Variants in CFLAR observed in about 807,000 individuals in gnomAD.
CFLAR encodes the protein CASP8 and FADD-like apoptosis regulator.
Under a neutral mutation model 51.1 loss-of-function variants are expected in CFLAR, and 14 were observed. The observed-to-expected ratio is 0.27, with a 90% CI of 0.18 to 0.43. The LOEUF (loss-of-function observed/expected upper bound fraction) is 0.43. Among genes scored for constraint, CFLAR ranks in the 20% least tolerant of loss-of-function variants. The probability of loss-of-function intolerance (pLI) is 1.00; values close to 1 mark genes in which losing one functional copy is unlikely to be tolerated. For missense variants in CFLAR, 390 were observed against 566.5 expected (o/e 0.69, Z 3.16); for synonymous variants, 210 against 211.6 (o/e 0.99, Z 0.06).
intron 8 of CFLAR, among the ~76,000 whole-genome samples, chr2:201,150,916 T>C (rs1941180459): frequency 6.6e-6 from 1 of 152,188 alleles, no homozygotes; most frequent in Admixed American, 6.5e-5. Flanking sequence ...TTGGTGAGCC[T>C]TAGTCTTGCC....
intron 4 of CFLAR, chr2:201,139,385 G>A (rs1937848263): frequency 5.1e-6 from 1 of 196,794 alleles, no homozygotes; most frequent in Non-Finnish European, 1.0e-5. Flanking sequence ...CTCATGGGAA[G>A]GGAAAGACCT....
At position 201,160,487 on chromosome 2, in the gene CFLAR, T is replaced by G; in HGVS notation, c.849T>G (p.His283Gln). The change falls in exon 9 of 10, where the codon CAT becomes CAG. Residue 283 changes from histidine (H) to glutamine (Q), a missense_variant. Physicochemically the swap from His to Gln is conservative, Grantham distance 24. Coordinates refer to ENST00000309955, the MANE Select transcript of CFLAR (RefSeq NM_003879.7). ...GCTATGAAGTCCAGAAATTCTTGCA[T>G]CTCAGTATGCATGGTATATCCCAGA... Reference protein sequence around the residue: ...SLGYEVQKFLHLSMHGISQIL... With the variant: ...SLGYEVQKFLQLSMHGISQIL... 1 of 1,613,952 alleles carries G rather than the reference T, an allele frequency of 6.2e-7. No individual in the cohort carries two copies. The highest frequency in any genetic ancestry group is 8.5e-7 in the Non-Finnish European group (1 of 1,180,004).
At chr2:201,148,812 C>G in intron 6 of CFLAR, 191 bp from the exon 7 acceptor site, 1 of 527,456 alleles carries the variant, frequency 1.9e-6, no homozygotes, top group Non-Finnish European at 3.5e-6. Context: ...AGCACTGGGA[C>G]TTGTGTTTTC....
chr2:201,155,040 A>G (rs975521168), intron 8 of CFLAR, among the ~76,000 whole-genome samples: 2 of 152,340 alleles, frequency 1.3e-5, no homozygotes, highest in East Asian at 3.9e-4. Context: ...AGAATTGAAA[A>G]ATAAGTCTTT....
intron 4 of CFLAR, chr2:201,136,714 G>T: frequency 3.2e-6 from 2 of 621,764 alleles, no homozygotes; most frequent in Admixed American, 3.1e-5. Flanking sequence ...GAGACTCATT[G>T]ATCTATAGAG....
rs1944144025 is a variant in CFLAR, at chr2:201,174,771, G to A, written c.*10798G>A. ...TTCACTTGCAAATTTATGTAAAAAG[G>A]GCCTCTGGAATTTTGATAGTGATTA... is the stretch of plus-strand genomic sequence containing the variant. On this transcript the variant is annotated 3_prime_UTR_variant, in exon 10 of 10. Transcript: ENST00000309955. The A allele has an allele frequency of 6.6e-6, 1 of 152,080 alleles. No homozygotes were observed. The highest frequency in any genetic ancestry group is 6.6e-5 in the Admixed American group (1 of 15,262). The allele number at this position is 152,080 out of a possible 1,614,324, so 9.4% of individuals were successfully genotyped here. A position where few individuals can be genotyped will look rare whatever the true frequency, so the allele number is the denominator to read the frequency against.
In CFLAR at chr2:201,171,156, G is replaced by GT. The variant is rs996390456; in HGVS notation, c.*7184dup. On this transcript the variant is annotated 3_prime_UTR_variant, in exon 10 of 10. Coordinates refer to ENST00000309955, the MANE Select transcript of CFLAR (RefSeq NM_003879.7). ...GGACTTTGGGGACTTAGGGGAAAGGGTGGGAGGGGGGTGAAGGATAAAAGA... is the reference window on the plus strand; with the variant it reads ...GGACTTTGGGGACTTAGGGGAAAGGGTTGGGAGGGGGGTGAAGGATAAAAGA... 6.6e-6 allele frequency: 1 copy of GT among 152,170 alleles called. No individual in the cohort carries two copies. Among genetic ancestry groups the GT allele is most frequent in the Admixed American group, 6.6e-5 (1 of 15,262 alleles). The allele number at this position is 152,170 out of a possible 1,614,324, so 9.4% of individuals were successfully genotyped here. A position where few individuals can be genotyped will look rare whatever the true frequency, so the allele number is the denominator to read the frequency against.
At position 201,160,751 on chromosome 2, in the gene CFLAR, C is replaced by T; in HGVS notation, c.1113C>T (p.Ser371=). Residue 371 remains serine, a synonymous_variant, in exon 9 of 10, where the codon AGC becomes AGT. Coordinates refer to ENST00000309955, the MANE Select transcript of CFLAR (RefSeq NM_003879.7). ...VVSEGQLEDS[S]LLEVDGPAMK... is the part of the protein sequence containing the mutation. ...CAGAGGGCCAGCTGGAGGACAGCAG[C>T]CTCTTGGAGGTGGATGGGCCAGCGA... is the stretch of plus-strand genomic sequence containing the variant. The T allele has an allele frequency of 5.0e-6, 8 of 1,614,076 alleles. No individual in the cohort carries two copies. The highest frequency in any genetic ancestry group is 6.8e-6 in the Non-Finnish European group (8 of 1,179,972).
At chr2:201,159,000 C>G (rs1018101960) in intron 8 of CFLAR, among the ~76,000 whole-genome samples, 1 of 151,638 alleles carries the variant, frequency 6.6e-6, no homozygotes, top group African/African-American at 2.4e-5. Flanking sequence ...GTCTCAGCCT[C>G]CCTAGTAGCT....
chr2:201,120,742 G>C (rs1362344548), intron 1 of CFLAR, among the ~76,000 whole-genome samples: 1 of 152,100 alleles, frequency 6.6e-6, no homozygotes, highest in Non-Finnish European at 1.5e-5. Flanking sequence ...AAATTCTTGA[G>C]TTTTTTCCTT....
At chr2:201,160,288 C>T in intron 8 of CFLAR, 144 bp from the exon 9 acceptor site, 1 of 862,426 alleles carries the variant, frequency 1.2e-6, no homozygotes, top group African/African-American at 1.7e-5. Context: ...TCCAACTGCC[C>T]AGGACTCAGG....
Position 201,165,893 on chromosome 2 carries a change from TGG to T in CFLAR, c.*1924_*1925del. On this transcript the variant is annotated 3_prime_UTR_variant, in exon 10 of 10. Transcript: ENST00000309955. ...GCACATGTTTCAGAGAGCACAGGGT[TGG>T]GGGTAAGGTCATAGATCAACAGCAT... is the stretch of plus-strand genomic sequence containing the variant. 1 of 204,942 alleles carries T rather than the reference TGG, an allele frequency of 4.9e-6. No individual in the cohort carries two copies. Among genetic ancestry groups the T allele is most frequent in the South Asian group, 7.1e-5 (1 of 14,022 alleles). The allele number at this position is 204,942 out of a possible 1,614,324, so 12.7% of individuals were successfully genotyped here. A position where few individuals can be genotyped will look rare whatever the true frequency, so the allele number is the denominator to read the frequency against.
At chr2:201,137,947 G>A (rs1223835488) in intron 4 of CFLAR, 3 of 758,398 alleles carry the variant, frequency 4.0e-6, no homozygotes, top group Admixed American at 1.7e-5. Context: ...TTGACCACAT[G>A]CCCCATGGTC....
At chr2:201,123,145 TTA>T (rs2125610626) in intron 1 of CFLAR, among the ~76,000 whole-genome samples, 1 of 152,316 alleles carries the variant, frequency 6.6e-6, no homozygotes, top group Admixed American at 6.5e-5. Flanking sequence ...AGATGATGAT[TTA>T]TGATCTTTTG....
At position 201,167,895 on chromosome 2, in the gene CFLAR, A is replaced by T. The variant is rs1943743080; in HGVS notation, c.*3922A>T. On this transcript the variant is annotated 3_prime_UTR_variant, in exon 10 of 10. Coordinates refer to ENST00000309955, the MANE Select transcript of CFLAR (RefSeq NM_003879.7). ...TTTTATGTGAGGGGAAAAAAAATTG[A>T]CAGTTTATATTTATCTCAACCTAGT... The T allele has an allele frequency of 6.6e-6, 1 of 152,204 alleles. No homozygotes were observed. The highest frequency in any genetic ancestry group is 1.5e-5 in the Non-Finnish European group (1 of 68,050). 9.4% of individuals were successfully genotyped at this position (152,204 alleles called of 1,614,324 possible).
At chr2:201,141,413 C>A (rs1290524934) in intron 5 of CFLAR, 4 of 1,558,838 alleles carry the variant, frequency 2.6e-6, no homozygotes, top group East Asian at 2.3e-5. Flanking sequence ...TCTGAAAATT[C>A]TTGGAAATTG....
chr2:201,163,206 C>A, intron 9 of CFLAR: 1 of 1,227,572 alleles, frequency 8.1e-7, no homozygotes, highest in Non-Finnish European at 1.1e-6. Flanking sequence ...CTGTTCAGAT[C>A]TGGAAGGCTT....
At chr2:201,121,288 A>C (rs1311048458) in intron 1 of CFLAR, among the ~76,000 whole-genome samples, 1 of 152,248 alleles carries the variant, frequency 6.6e-6, no homozygotes, top group East Asian at 1.9e-4. Flanking sequence ...TGTATATAGC[A>C]CAAAGCTATA....
intron 2 of CFLAR, among the ~76,000 whole-genome samples, chr2:201,131,098 C>T (rs2049264519): frequency 6.6e-6 from 1 of 152,190 alleles, no homozygotes; most frequent in South Asian, 2.1e-4. Flanking sequence ...CCACTGGAGT[C>T]TGCTTTAGTT....
Sources: gnomAD v4.1 joint callset for allele counts (sites outside exome capture counted in the v4.1 genomes callset) on GRCh38, gnomAD v4.1.1 for gene constraint, MANE v1.5 for transcripts, NCBI Gene and HGNC (gene_info 2026-07-23, HGNC 2026-07-21) for gene names.